The following RBM7 variants were observed in gnomAD, a reference collection of about 807,000 sequenced individuals.
The protein encoded by RBM7 is RNA binding motif protein 7.
Under a neutral mutation model 31.0 loss-of-function variants are expected in RBM7, and 13 were observed. The observed-to-expected ratio is 0.42, with a 90% CI of 0.27 to 0.67. The LOEUF (loss-of-function observed/expected upper bound fraction) is 0.67, where lower values mean the gene tolerates loss of function less well. RBM7 is among the 30% of genes least tolerant of loss of function. RBM7 has a pLI of 0.24. For missense variants in RBM7, 245 were observed against 326.2 expected, an observed-to-expected ratio of 0.75 and a Z score of 1.92; for synonymous variants, 106 against 111.2, an observed-to-expected ratio of 0.95 and a Z score of 0.30.
At chr11:114,405,012 T>A (rs941870046) in intron 3 of RBM7, among the ~76,000 whole-genome samples, 1 of 151,766 alleles carries the variant, frequency 6.6e-6, no homozygotes, top group African/African-American at 2.4e-5. Flanking sequence ...ATTCCTTACC[T>A]CCCAAAACCT....
intron 3 of RBM7, 101 bp from the exon 4 acceptor site, chr11:114,405,605 C>T: frequency 3.0e-6 from 2 of 669,506 alleles, no homozygotes; most frequent in Admixed American, 3.7e-5. Context: ...GATACCTTTC[C>T]TGTCTTGTTC....
chr11:114,401,616 A>T (rs1438674979), intron 1 of RBM7, 82 bp from the exon 2 acceptor site: 5 of 1,153,246 alleles, frequency 4.3e-6, no homozygotes, highest in Non-Finnish European at 5.8e-6. Flanking sequence ...TTGTTTTTAA[A>T]CTTTGTCATA....
At chr11:114,405,927 C>A in intron 4 of RBM7, 128 bp downstream of exon 4, 1 of 627,880 alleles carries the variant, frequency 1.6e-6, no homozygotes. Context: ...CTTTAGTCCT[C>A]AAGGCGTAAG....
At chr11:114,405,309 A>C (rs1323094756) in intron 3 of RBM7, among the ~76,000 whole-genome samples, 17 of 152,342 alleles carry the variant, frequency 1.1e-4, no homozygotes, top group Admixed American at 8.5e-4. Flanking sequence ...TGTTCCAGTA[A>C]CACTTTGTTT....
At position 114,408,114 on chromosome 11, in the gene RBM7, G is replaced by A. The variant is rs1003128640; in HGVS notation, c.*307G>A. ...GATAAAGCAGATATTTTAATTATTT[G>A]TTATCTTTTTGTATTGCAAGAAATT... On this transcript the variant is annotated 3_prime_UTR_variant, in exon 5 of 5. Transcript: ENST00000375490. 31 of 173,104 alleles carry A rather than the reference G, an allele frequency of 1.8e-4. No individual in the cohort carries two copies. The highest frequency in any genetic ancestry group is 2.2e-4 in the Non-Finnish European group (18 of 81,740). The allele number at this position is 173,104 out of a possible 1,614,324, so 10.7% of individuals were successfully genotyped here.
intron 4 of RBM7, chr11:114,406,326 G>C (rs1285299430): frequency 6.6e-6 from 1 of 152,200 alleles, no homozygotes; most frequent in East Asian, 1.9e-4. Flanking sequence ...TCATGATCTT[G>C]ACTTGTAGTC....
chr11:114,402,792 C>T (rs775588084), intron 2 of RBM7, 36 bp from the exon 3 acceptor site: 120 of 1,523,672 alleles, frequency 7.9e-5, no homozygotes, highest in Non-Finnish European at 1.1e-4. Context: ...ATTAGATTTT[C>T]TATCAAGAAT....
intron 3 of RBM7, among the ~76,000 whole-genome samples, chr11:114,405,419 G>A (rs1591199246): frequency 6.6e-6 from 1 of 152,168 alleles, no homozygotes; most frequent in East Asian, 1.9e-4. Flanking sequence ...TAACCTTGGT[G>A]TTCAGTTCTA....
intron 3 of RBM7, 56 bp downstream of exon 3, chr11:114,402,971 G>A (rs1051557020): frequency 1.5e-6 from 2 of 1,347,548 alleles, no homozygotes; most frequent in Non-Finnish European, 1.1e-6. Context: ...ATAGGGAATA[G>A]CCTCAAAACA....
intron 4 of RBM7, 88 bp from the exon 5 acceptor site, chr11:114,407,357 A>G: frequency 7.1e-7 from 1 of 1,405,942 alleles, no homozygotes; most frequent in Non-Finnish European, 9.7e-7. Flanking sequence ...GAGTGACTTT[A>G]TTTTCTTTCA....
In RBM7 at chr11:114,410,515, T is replaced by A. The variant is rs948183079; in HGVS notation, c.*2708T>A. On this transcript the variant is annotated 3_prime_UTR_variant, in exon 5 of 5. Coordinates refer to ENST00000375490, the MANE Select transcript of RBM7 (RefSeq NM_001286045.2). ...CAAGAACACCCTAATGTTTTCCTGC[T>A]TCCAGTCTTCTTTCCTCAAATTTAT... 2.0e-5 allele frequency: 3 copies of A among 152,246 alleles called. No individual in the cohort carries two copies. Among genetic ancestry groups the A allele is most frequent in the African/African-American group, 7.2e-5 (3 of 41,470 alleles). 9.4% of individuals were successfully genotyped at this position (152,246 alleles called of 1,614,324 possible).
intron 3 of RBM7, among the ~76,000 whole-genome samples, chr11:114,404,362 G>A (rs1319390087): frequency 6.6e-6 from 1 of 152,162 alleles, no homozygotes; most frequent in Non-Finnish European, 1.5e-5. Context: ...GTGGAATAGT[G>A]AGCCAGCAAT....
Position 114,400,713 on chromosome 11 carries a change from G to A in RBM7, c.42G>A (p.Val14=). The part of the protein sequence containing the change: ...AAAEADRTLF[V]GNLETKVTEE... The stretch of plus-strand genomic sequence containing the variant: ...CGGAAGCGGATCGCACTCTCTTTGT[G>A]GGCAACCTTGAAACGAAAGTGACCG... Residue 14 remains valine (V), a synonymous_variant, in exon 1 of 5, where the codon GTG becomes GTA. Coordinates refer to ENST00000375490, the MANE Select transcript of RBM7 (RefSeq NM_001286045.2). The A allele has an allele frequency of 6.2e-7, 1 of 1,614,200 alleles. No homozygotes were observed. Among genetic ancestry groups the A allele is most frequent in the Non-Finnish European group, 8.5e-7 (1 of 1,180,044 alleles).
At chr11:114,400,798 C>T (rs1946188296) in intron 1 of RBM7, 31 bp downstream of exon 1, 1 of 1,612,934 alleles carries the variant, frequency 6.2e-7, no homozygotes, top group Non-Finnish European at 8.5e-7. Context: ...CTTTGCCTTT[C>T]GTTTTCCGTC....
chr11:114,405,878 T>C, intron 4 of RBM7, 79 bp downstream of exon 4: 1 of 996,474 alleles, frequency 1.0e-6, no homozygotes, highest in East Asian at 2.6e-5. Context: ...ATCAAATAAC[T>C]GGTTTTTAAT....
At chr11:114,402,988 T>TA in intron 3 of RBM7, 73 bp downstream of exon 3, 1 of 1,203,320 alleles carries the variant, frequency 8.3e-7, no homozygotes, top group Non-Finnish European at 1.2e-6. Context: ...AACACATGAG[T>TA]AAATAGTCTC....
intron 4 of RBM7, chr11:114,407,230 C>T: frequency 2.2e-6 from 1 of 444,908 alleles, no homozygotes; most frequent in Non-Finnish European, 4.0e-6. Flanking sequence ...GTGACTTATT[C>T]TGAGTTGCAT....
chr11:114,404,589 G>A (rs1946241745), intron 3 of RBM7, among the ~76,000 whole-genome samples: 1 of 152,010 alleles, frequency 6.6e-6, no homozygotes, highest in Non-Finnish European at 1.5e-5. Flanking sequence ...TATAGTCCCA[G>A]CTACTTGGAA....
Position 114,407,795 on chromosome 11 carries a change from A to T in RBM7, c.792A>T (p.Ser264=). The T allele has an allele frequency of 1.2e-6, 2 of 1,606,682 alleles. No homozygotes were observed. Among genetic ancestry groups the T allele is most frequent in the Middle Eastern group, 1.7e-4 (1 of 6,050 alleles). Residue 264 remains serine (S), a synonymous_variant, in exon 5 of 5, where the codon TCA becomes TCT. Transcript: ENST00000375490. ...RDSSRDGKWR[S]SRH The stretch of plus-strand genomic sequence containing the variant: ...GTAGTAGAGATGGAAAATGGCGCTC[A>T]TCTCGACACTAACACATGTTAAAAG...
Sources: allele counts gnomAD v4.1 joint callset (sites outside exome capture counted in the v4.1 genomes callset), GRCh38; gene constraint gnomAD v4.1.1; transcripts MANE v1.5; gene names NCBI Gene and HGNC (gene_info 2026-07-23, HGNC 2026-07-21).